PTPRD: variants seen among roughly 807,000 people sequenced by gnomAD.
The protein encoded by PTPRD is receptor-type tyrosine-protein phosphatase delta.
In PTPRD, 34 loss-of-function variants were observed where a neutral mutation model predicts 214.5. The ratio of observed to expected loss-of-function variants is 0.16; its 90% CI spans 0.12 to 0.21. The LOEUF is 0.21. Ranked by LOEUF, PTPRD falls within the 10% of genes least tolerant of loss-of-function variation. The pLI is 1.00. For synonymous variants in PTPRD, 1,128 were observed against 845.7 expected, an observed-to-expected ratio of 1.33 and a Z score of -5.79; for missense variants, 2,545 against 2,398.7, an observed-to-expected ratio of 1.06 and a Z score of -1.27.
intron 5 of PTPRD, among the ~76,000 whole-genome samples, chr9:9,842,440 C>G (rs2058566577): frequency 6.7e-6 from 1 of 149,478 alleles, no homozygotes; most frequent in South Asian, 2.1e-4. Context: ...ATATTGATAG[C>G]TATTAACCAA....
chr9:9,577,272 G>C lies in PTPRD; in HGVS notation c.-286-2491C>G, dbSNP rs62534664. On this transcript the variant is annotated intron_variant, in intron 7 of 45. Coordinates refer to ENST00000381196, the MANE Select transcript of PTPRD (RefSeq NM_002839.4). ...ACTCAGGCAAATATACATTTAAAAA[G>C]GAAAGCATTGGCTGGGCATGGTGGC... is the stretch of plus-strand genomic sequence containing the variant. 5.0e-3 allele frequency among the ~76,000 whole-genome samples: 760 copies of C among 152,226 alleles called. 8 individuals carry two copies. Among genetic ancestry groups the C allele is most frequent in the East Asian group, 0.014 (74 of 5,162 alleles).
chr9:8,606,201 G>A (rs1318275226), intron 14 of PTPRD, among the ~76,000 whole-genome samples: 8 of 151,926 alleles, frequency 5.3e-5, no homozygotes, highest in Admixed American at 3.3e-4. Flanking sequence ...AAGAAAGGAG[G>A]GAAAAGTGTC....
intron 6 of PTPRD, among the ~76,000 whole-genome samples, chr9:9,764,271 A>G (rs2098688320): frequency 6.6e-6 from 1 of 152,186 alleles, no homozygotes. Flanking sequence ...ACATTTTATA[A>G]TGCGGTGTTC....
At chr9:8,596,237 C>G (rs1379313866) in intron 14 of PTPRD, among the ~76,000 whole-genome samples, 1 of 151,670 alleles carries the variant, frequency 6.6e-6, no homozygotes, top group Admixed American at 6.6e-5. Context: ...TACTCCATCA[C>G]ATAAAATATA....
intron 4 of PTPRD, among the ~76,000 whole-genome samples, chr9:10,032,661 T>C (rs1261093015): frequency 6.6e-6 from 1 of 152,128 alleles, no homozygotes; most frequent in Non-Finnish European, 1.5e-5. Flanking sequence ...TTCAATCTAA[T>C]GCTTAGAATT....
chr9:9,250,398 T>C (rs1188050119), intron 9 of PTPRD, among the ~76,000 whole-genome samples: 1 of 152,070 alleles, frequency 6.6e-6, no homozygotes, highest in Non-Finnish European at 1.5e-5. Context: ...AGTAAATCTC[T>C]CAGAGGGTAT....
At chr9:9,931,847 G>C (rs1450800414) in intron 5 of PTPRD, among the ~76,000 whole-genome samples, 1 of 150,788 alleles carries the variant, frequency 6.6e-6, no homozygotes, top group African/African-American at 2.4e-5. Flanking sequence ...TTTGAAGAGA[G>C]CAGTGGTTCT....
At chr9:9,084,896 C>A (rs1424789809) in intron 10 of PTPRD, among the ~76,000 whole-genome samples, 3 of 152,128 alleles carry the variant, frequency 2.0e-5, no homozygotes, top group Non-Finnish European at 4.4e-5. Context: ...TTCTTAGCCA[C>A]TTTCTCATAT....
chr9:10,207,300 T>C (rs978547468), intron 3 of PTPRD, among the ~76,000 whole-genome samples: 1 of 152,150 alleles, frequency 6.6e-6, no homozygotes, highest in Non-Finnish European at 1.5e-5. Context: ...CATAACATTT[T>C]TGAGCTTTAT....
chr9:9,893,119 C>T (rs979077909), intron 5 of PTPRD, among the ~76,000 whole-genome samples: 11 of 151,950 alleles, frequency 7.2e-5, no homozygotes, highest in African/African-American at 2.7e-4. Context: ...TGGAGAATAT[C>T]ACTATATAGA....
At chr9:10,562,821 T>G (rs1226161478) in intron 2 of PTPRD, among the ~76,000 whole-genome samples, 1 of 152,124 alleles carries the variant, frequency 6.6e-6, no homozygotes, top group Non-Finnish European at 1.5e-5. Context: ...ATAAGCACAT[T>G]GGAGACTTAG....
Position 8,615,110 on chromosome 9 carries a change from C to T in PTPRD, c.352+18207G>A, listed in dbSNP as rs573079669. On this transcript the variant is annotated intron_variant, in intron 14 of 45. Transcript: ENST00000381196. Reference sequence around the variant, plus strand: ...GCTTTACCAGAATGACATTTTAGACCACTCTAACTCAGCTTAGCCACTGAA... The same window carrying T: ...GCTTTACCAGAATGACATTTTAGACTACTCTAACTCAGCTTAGCCACTGAA... Among the ~76,000 whole-genome samples, 6 of 152,148 alleles carry T rather than the reference C, an allele frequency of 3.9e-5. No individual in the cohort carries two copies. The South Asian group carries it at 1.2e-3, about 32-fold the overall frequency.
intron 3 of PTPRD, among the ~76,000 whole-genome samples, chr9:10,338,754 C>A (rs558993719): frequency 1.2e-4 from 18 of 151,682 alleles, no homozygotes; most frequent in African/African-American, 4.3e-4. Context: ...AAAGGCATTG[C>A]TTTTGAGAGA....
chr9:9,891,296 C>T (rs186838257), intron 5 of PTPRD, among the ~76,000 whole-genome samples: 5 of 151,732 alleles, frequency 3.3e-5, no homozygotes, highest in African/African-American at 1.2e-4. Flanking sequence ...TTATTTTAGA[C>T]TTTTTGTTCC....
At chr9:9,702,522 A>G (rs2097525437) in intron 7 of PTPRD, among the ~76,000 whole-genome samples, 1 of 152,180 alleles carries the variant, frequency 6.6e-6, no homozygotes, top group Non-Finnish European at 1.5e-5. Context: ...TATATGCTGA[A>G]GTGGTTATTG....
intron 21 of PTPRD, among the ~76,000 whole-genome samples, chr9:8,513,953 A>C (rs1592460298): frequency 6.6e-6 from 1 of 152,128 alleles, no homozygotes; most frequent in African/African-American, 2.4e-5. Context: ...AGATTCTTGG[A>C]AACATCTTCA....
chr9:9,070,081 T>C (rs1283250221), intron 10 of PTPRD, among the ~76,000 whole-genome samples: 1 of 152,318 alleles, frequency 6.6e-6, no homozygotes. Context: ...GTATTTCAAG[T>C]GTCAGCAGAG....
chr9:9,603,279 CT>C (rs2093913440), intron 7 of PTPRD, among the ~76,000 whole-genome samples: 1 of 152,132 alleles, frequency 6.6e-6, no homozygotes, highest in South Asian at 2.1e-4. Flanking sequence ...TCCTACACCC[CT>C]TGCATAGGCA....
At chr9:9,189,336 G>A (rs112182675) in intron 9 of PTPRD, among the ~76,000 whole-genome samples, 1,978 of 152,166 alleles carry the variant, frequency 0.013, 39 homozygotes, top group African/African-American at 0.045. Context: ...GTGATTTGAT[G>A]GGGCTAACGT....
Sources: allele counts gnomAD v4.1 joint callset (sites outside exome capture counted in the v4.1 genomes callset), GRCh38; gene constraint gnomAD v4.1.1; transcripts MANE v1.5; gene names NCBI Gene and HGNC (gene_info 2026-07-23, HGNC 2026-07-21).